Variants in PHF14 observed in about 807,000 individuals in gnomAD.
The protein encoded by PHF14 is PHD finger protein 14.
Under a neutral mutation model 117.9 loss-of-function variants are expected in PHF14, and 55 were observed. The observed-to-expected ratio is 0.47, with a 90% confidence interval of 0.38 to 0.58. The LOEUF (loss-of-function observed/expected upper bound fraction) is 0.58, where lower values mean the gene tolerates loss of function less well. Among genes scored for constraint, PHF14 ranks in the 20% least tolerant of loss-of-function variants. The probability of loss-of-function intolerance (pLI) is 0.00; values close to 1 mark genes in which losing one functional copy is unlikely to be tolerated. For synonymous variants in PHF14, 409 were observed against 368.6 expected (o/e 1.11, Z -1.26); for missense variants, 978 against 1,122.2 (o/e 0.87, Z 1.84).
chr7:11,059,573 C>A (rs972487566), intron 14 of PHF14, among the ~76,000 whole-genome samples: 2 of 152,018 alleles, frequency 1.3e-5, no homozygotes, highest in African/African-American at 4.8e-5. Context: ...GTCAGGAGTT[C>A]GAGACCAGCC....
At chr7:11,044,345 G>A (rs1300440626) in intron 13 of PHF14, among the ~76,000 whole-genome samples, 1 of 151,960 alleles carries the variant, frequency 6.6e-6, no homozygotes, top group Non-Finnish European at 1.5e-5. Context: ...AAGAAAAGAA[G>A]TAATGTACAT....
In PHF14 at chr7:11,055,105, G is replaced by A. The variant is rs116499849; in HGVS notation, c.2481+3325G>A. 6.3e-3 allele frequency among the ~76,000 whole-genome samples: 960 copies of A among 152,180 alleles called. 11 individuals are homozygous for A. The highest frequency in any genetic ancestry group is 0.022 in the African/African-American group (913 of 41,516). ...TATAGAATTATTGTAAAGGCAGCCT[G>A]AGATAGTTCTGTTTAAGTACTTTGT... On this transcript the variant is annotated intron_variant, in intron 14 of 17. Transcript: ENST00000634607.
At chr7:11,160,518 T>C (rs1174027423) in intron 17 of PHF14, among the ~76,000 whole-genome samples, 1 of 152,180 alleles carries the variant, frequency 6.6e-6, no homozygotes, top group Non-Finnish European at 1.5e-5. Flanking sequence ...CCACCAATAG[T>C]GTATAAGCAT....
intron 17 of PHF14, among the ~76,000 whole-genome samples, chr7:11,144,341 T>C (rs1312083007): frequency 6.6e-6 from 1 of 151,990 alleles, no homozygotes; most frequent in East Asian, 1.9e-4. Context: ...AACTAACTTA[T>C]AACCCAGCAA....
intron 16 of PHF14, chr7:11,107,538 G>A: frequency 2.3e-6 from 2 of 886,188 alleles, no homozygotes; most frequent in Non-Finnish European, 2.7e-6. Flanking sequence ...TGTGTACAGT[G>A]TTTATTAGAG....
chr7:11,036,891 T>A, intron 9 of PHF14, 94 bp from the exon 10 acceptor site: 1 of 983,822 alleles, frequency 1.0e-6, no homozygotes, highest in Non-Finnish European at 1.5e-6. Flanking sequence ...TTAAACTATG[T>A]AGGTTTATCA....
At chr7:10,975,802 A>G (rs762308706) in intron 2 of PHF14, among the ~76,000 whole-genome samples, 30 of 152,200 alleles carry the variant, frequency 2.0e-4, no homozygotes, top group Non-Finnish European at 3.2e-4. Context: ...CATCTCTTCA[A>G]CAGTTTTTAA....
At chr7:11,153,896 A>T (rs1031860508) in intron 17 of PHF14, among the ~76,000 whole-genome samples, 1 of 149,810 alleles carries the variant, frequency 6.7e-6, no homozygotes, top group Non-Finnish European at 1.5e-5. Flanking sequence ...TTGTGTCCTC[A>T]CATTATAATA....
intron 5 of PHF14, among the ~76,000 whole-genome samples, chr7:11,022,315 C>G (rs998207542): frequency 1.3e-5 from 2 of 152,040 alleles, no homozygotes; most frequent in African/African-American, 4.8e-5. Flanking sequence ...CTTTTCCCAG[C>G]AGTTTTAATC....
intron 16 of PHF14, among the ~76,000 whole-genome samples, chr7:11,084,532 C>G (rs1786302770): frequency 2.0e-5 from 3 of 150,018 alleles, no homozygotes; most frequent in Admixed American, 1.3e-4. Flanking sequence ...GCATAATGGA[C>G]TTTTTCTCAG....
chr7:11,139,743 A>AT (rs1481626813), intron 17 of PHF14, among the ~76,000 whole-genome samples: 19 of 152,212 alleles, frequency 1.2e-4, no homozygotes, highest in Non-Finnish European at 2.6e-4. Context: ...AAACTAGAAA[A>AT]TATAAGACAG....
At chr7:11,079,944 T>C (rs997973961) in intron 16 of PHF14, among the ~76,000 whole-genome samples, 2 of 152,276 alleles carry the variant, frequency 1.3e-5, no homozygotes. Context: ...GCCATACTTT[T>C]GATTGTCACT....
At chr7:11,089,793 G>A (rs1474605061) in intron 16 of PHF14, among the ~76,000 whole-genome samples, 6 of 134,116 alleles carry the variant, frequency 4.5e-5, no homozygotes, top group African/African-American at 1.7e-4. Context: ...TTTTTGAGAC[G>A]GAGTTTCACT....
At chr7:11,074,701 G>C (rs1785762699) in intron 16 of PHF14, among the ~76,000 whole-genome samples, 1 of 152,174 alleles carries the variant, frequency 6.6e-6, no homozygotes, top group Admixed American at 6.5e-5. Flanking sequence ...TTCTTTGCTA[G>C]GGCATAATAT....
At chr7:11,119,495 A>C (rs193149886) in intron 17 of PHF14, among the ~76,000 whole-genome samples, 6 of 151,950 alleles carry the variant, frequency 3.9e-5, no homozygotes, top group African/African-American at 2.4e-5. Flanking sequence ...AGTGTGAGAG[A>C]CATGTTCATT....
intron 5 of PHF14, among the ~76,000 whole-genome samples, chr7:11,018,884 A>G (rs183008648): frequency 6.6e-6 from 1 of 152,224 alleles, no homozygotes; most frequent in Admixed American, 6.5e-5. Flanking sequence ...GGTCTGTCAT[A>G]TATCGCTTTT....
At chr7:11,149,145 G>A (rs1341636667) in intron 17 of PHF14, among the ~76,000 whole-genome samples, 1 of 152,060 alleles carries the variant, frequency 6.6e-6, no homozygotes, top group Non-Finnish European at 1.5e-5. Flanking sequence ...TGACACCAAA[G>A]CCTGTGCATT....
At chr7:11,001,691 A>G (rs942673594) in intron 4 of PHF14, among the ~76,000 whole-genome samples, 1 of 152,152 alleles carries the variant, frequency 6.6e-6, no homozygotes. Flanking sequence ...TTCATAAGAA[A>G]GCAATTGGCT....
At chr7:11,107,229 T>TTGA in intron 16 of PHF14, 1 of 982,962 alleles carries the variant, frequency 1.0e-6, no homozygotes. Flanking sequence ...GGTAAACACC[T>TTGA]GACTAATTGC....
Sources: allele counts gnomAD v4.1 joint callset (sites outside exome capture counted in the v4.1 genomes callset), GRCh38; gene constraint gnomAD v4.1.1; transcripts MANE v1.5; gene names NCBI Gene and HGNC (gene_info 2026-07-23, HGNC 2026-07-21).